Variants in RALYL observed in about 807,000 individuals in gnomAD.
RALYL encodes the protein RALY RNA binding protein like, also known as RNA-binding Raly-like protein.
A neutral mutation model predicts 35.1 loss-of-function variants in RALYL; 29 were observed. The observed-to-expected ratio is 0.83, with a 90% CI of 0.61 to 1.13. The LOEUF is 1.13. Among genes scored for constraint, RALYL ranks in the 50% most tolerant of loss-of-function variants. The probability of loss-of-function intolerance (pLI) is 0.00; values close to 1 mark genes in which losing one functional copy is unlikely to be tolerated. For synonymous variants in RALYL, 120 were observed against 127.6 expected (o/e 0.94, Z 0.40); for missense variants, 359 against 360.4 (o/e 1.00, Z 0.03).
intron 1 of RALYL, among the ~76,000 whole-genome samples, chr8:84,289,198 TTGA>T (rs1838271949): frequency 6.6e-6 from 1 of 152,178 alleles, no homozygotes; most frequent in Non-Finnish European, 1.5e-5. Flanking sequence ...ACTATCTCCC[TTGA>T]TGTTTACATT....
intron 1 of RALYL, among the ~76,000 whole-genome samples, chr8:84,365,933 G>A (rs1441041637): frequency 2.6e-5 from 4 of 152,154 alleles, no homozygotes; most frequent in African/African-American, 4.8e-5. Flanking sequence ...CACACTGACC[G>A]CATGGACACG....
intron 4 of RALYL, among the ~76,000 whole-genome samples, chr8:84,835,683 CAAAAA>C (rs5892932): frequency 1.4e-5 from 1 of 72,556 alleles, no homozygotes. Flanking sequence ...AACTCCGTCT[CAAAAA>C]AAAAAAAAAA....
chr8:84,597,091 T>C (rs1276488707), intron 2 of RALYL, among the ~76,000 whole-genome samples: 1 of 152,098 alleles, frequency 6.6e-6, no homozygotes, highest in East Asian at 1.9e-4. Context: ...TCTAAAATAA[T>C]GCAAGTCATC....
At chr8:84,720,391 A>G (rs564438269) in intron 2 of RALYL, among the ~76,000 whole-genome samples, 1 of 152,304 alleles carries the variant, frequency 6.6e-6, no homozygotes, top group African/African-American at 2.4e-5. Flanking sequence ...TGTCAAGAAC[A>G]TGTAGTGGGG....
At chr8:84,426,436 CTCTGTGTGTG>C (rs1321394257) in intron 1 of RALYL, among the ~76,000 whole-genome samples, 8 of 130,880 alleles carry the variant, frequency 6.1e-5, no homozygotes, top group Non-Finnish European at 1.0e-4. Flanking sequence ...CTCTCTCTCT[CTCTGTGTGTG>C]TGTGTGTGTG....
At chr8:84,471,211 A>C (rs1229057067) in intron 1 of RALYL, among the ~76,000 whole-genome samples, 1 of 152,172 alleles carries the variant, frequency 6.6e-6, no homozygotes, top group African/African-American at 2.4e-5. Context: ...ATATATTGCA[A>C]AGTTATTGCT....
chr8:84,766,042 C>A (rs1392040544), intron 2 of RALYL, among the ~76,000 whole-genome samples: 1 of 152,040 alleles, frequency 6.6e-6, no homozygotes, highest in Non-Finnish European at 1.5e-5. Flanking sequence ...GAGTAAGTTG[C>A]AAATGTCAGT....
intron 1 of RALYL, among the ~76,000 whole-genome samples, chr8:84,240,382 A>G (rs542374729): frequency 1.1e-4 from 16 of 152,360 alleles, no homozygotes; most frequent in African/African-American, 3.8e-4. Flanking sequence ...CTTGAGATCT[A>G]GAATATCGAA....
At chr8:84,651,704 T>A (rs1828865891) in intron 2 of RALYL, among the ~76,000 whole-genome samples, 1 of 151,998 alleles carries the variant, frequency 6.6e-6, no homozygotes, top group African/African-American at 2.4e-5. Context: ...ATAAAACGTG[T>A]TATATGAAAA....
chr8:84,588,129 T>G (rs967262671), intron 2 of RALYL, among the ~76,000 whole-genome samples: 29 of 152,150 alleles, frequency 1.9e-4, no homozygotes, highest in Admixed American at 1.1e-3. Context: ...GGTGAAGTGC[T>G]GGGCTGTAGA....
intron 1 of RALYL, among the ~76,000 whole-genome samples, chr8:84,255,614 T>A: frequency 6.6e-6 from 1 of 152,116 alleles, no homozygotes; most frequent in East Asian, 1.9e-4. Context: ...ACATTTTTTT[T>A]AATCACTTGA....
chr8:84,483,458 C>T (rs370007664), intron 1 of RALYL, among the ~76,000 whole-genome samples: 1 of 152,052 alleles, frequency 6.6e-6, no homozygotes, highest in African/African-American at 2.4e-5. Context: ...GGTGACTGAT[C>T]GATGACTTTC....
intron 1 of RALYL, among the ~76,000 whole-genome samples, chr8:84,407,956 A>G (rs954699389): frequency 6.6e-6 from 1 of 152,122 alleles, no homozygotes; most frequent in Non-Finnish European, 1.5e-5. Context: ...CAAGACTAGA[A>G]TATAAATCCA....
chr8:84,205,401 C>T (rs1817829815), intron 1 of RALYL, among the ~76,000 whole-genome samples: 1 of 152,086 alleles, frequency 6.6e-6, no homozygotes, highest in Non-Finnish European at 1.5e-5. Context: ...CTTTTCTGTT[C>T]AGGATTTAAG....
intron 3 of RALYL, among the ~76,000 whole-genome samples, chr8:84,794,142 C>T (rs941135762): frequency 2.6e-5 from 4 of 152,164 alleles, no homozygotes; most frequent in African/African-American, 9.7e-5. Flanking sequence ...GCTGCTCCTC[C>T]CAACCTACTA....
intron 8 of RALYL, among the ~76,000 whole-genome samples, chr8:84,904,665 A>G (rs1047351847): frequency 6.6e-6 from 1 of 151,214 alleles, no homozygotes; most frequent in Admixed American, 6.6e-5. Context: ...TGACTTTTAA[A>G]GTATCATTTT....
rs953049743 is a variant in RALYL, at chr8:84,479,509, C to T, written c.-23-49790C>T. ...TGAAATTCCAAAGGACCAATTTTAC[C>T]CTGAGAAACAAGTTCAGTTATTTTC... is the stretch of plus-strand genomic sequence containing the variant. On this transcript the variant is annotated intron_variant, in intron 1 of 8. Transcript: ENST00000521268. 2.0e-5 allele frequency among the ~76,000 whole-genome samples: 3 copies of T among 151,940 alleles called. No individual in the cohort carries two copies. In the South Asian group the frequency reaches 6.2e-4, roughly 31 times the overall value.
At chr8:84,321,191 AC>A (rs200297004) in intron 1 of RALYL, among the ~76,000 whole-genome samples, 6 of 152,146 alleles carry the variant, frequency 3.9e-5, no homozygotes, top group African/African-American at 1.4e-4. Flanking sequence ...CCATTATAAA[AC>A]AAAATGCACG....
At chr8:84,627,431 C>T (rs766785403) in intron 2 of RALYL, among the ~76,000 whole-genome samples, 27 of 147,000 alleles carry the variant, frequency 1.8e-4, no homozygotes, top group Admixed American at 1.0e-3. Context: ...GTGCCTTTCA[C>T]TGCTCTCCAG....
Sources: allele counts gnomAD v4.1 joint callset (sites outside exome capture counted in the v4.1 genomes callset), GRCh38; gene constraint gnomAD v4.1.1; transcripts MANE v1.5; gene names NCBI Gene and HGNC (gene_info 2026-07-23, HGNC 2026-07-21).